The following P4HA3 variants were observed in gnomAD, a reference collection of about 807,000 sequenced individuals.
P4HA3 encodes the protein prolyl 4-hydroxylase subunit alpha 3.
A neutral mutation model predicts 66.7 loss-of-function variants in P4HA3; 60 were observed. The ratio of observed to expected loss-of-function variants is 0.90; its 90% CI spans 0.73 to 1.12. P4HA3 has a LOEUF of 1.12. Among genes scored for constraint, P4HA3 ranks in the 50% most tolerant of loss-of-function variants. P4HA3 has a pLI of 0.00. For synonymous variants in P4HA3, 263 were observed against 274.6 expected, an observed-to-expected ratio of 0.96 and a Z score of 0.42; for missense variants, 683 against 685.8, an observed-to-expected ratio of 1.00 and a Z score of 0.05.
chr11:74,282,140 AAAC>A (rs1268091338), intron 7 of P4HA3, among the ~76,000 whole-genome samples: 1 of 149,664 alleles, frequency 6.7e-6, no homozygotes, highest in Non-Finnish European at 1.5e-5. Flanking sequence ...TAAAAAAAAA[AAAC>A]AAAAAAAAAC....
downstream of P4HA3, among the ~76,000 whole-genome samples, chr11:74,263,261 G>A (rs569380713): frequency 5.3e-5 from 8 of 152,350 alleles, no homozygotes; most frequent in Non-Finnish European, 5.9e-5. Flanking sequence ...AGTGTTCACC[G>A]TTCATTTGTG....
chr11:74,302,022 G>C (rs1160623167), intron 3 of P4HA3, among the ~76,000 whole-genome samples: 1 of 152,080 alleles, frequency 6.6e-6, no homozygotes, highest in Non-Finnish European at 1.5e-5. Flanking sequence ...GGTGAACAAA[G>C]GACCATTTTT....
chr11:74,284,740 T>C (rs1301243013), intron 7 of P4HA3, among the ~76,000 whole-genome samples: 1 of 152,096 alleles, frequency 6.6e-6, no homozygotes, highest in Admixed American at 6.5e-5. Flanking sequence ...TGCTGATGCC[T>C]GTCTGGTTTG....
At chr11:74,301,130 G>GT (rs1018580621) in intron 3 of P4HA3, among the ~76,000 whole-genome samples, 4 of 150,708 alleles carry the variant, frequency 2.7e-5, no homozygotes, top group Admixed American at 2.0e-4. Context: ...TATGTAACAT[G>GT]TTTTTTTTTC....
At chr11:74,311,379 C>A in intron 1 of P4HA3, 33 bp downstream of exon 1, 1 of 1,467,224 alleles carries the variant, frequency 6.8e-7, no homozygotes, top group South Asian at 1.4e-5. Flanking sequence ...CCCACTGAGG[C>A]CCCTCGGTCG....
chr11:74,256,120 GCAGA>G (rs1859825134), intron 15 of P4HA3, among the ~76,000 whole-genome samples: 1 of 152,296 alleles, frequency 6.6e-6, no homozygotes, highest in Non-Finnish European at 1.5e-5. Context: ...TTACAGGTAG[GCAGA>G]CAGGTCCAAA....
chr11:74,290,716 G>T (rs756487928), intron 4 of P4HA3, among the ~76,000 whole-genome samples: 1 of 152,146 alleles, frequency 6.6e-6, no homozygotes, highest in Non-Finnish European at 1.5e-5. Flanking sequence ...TTTCCCCATT[G>T]CTTGTTTTAG....
chr11:74,292,281 C>T (rs537179267), intron 4 of P4HA3, among the ~76,000 whole-genome samples: 19 of 152,158 alleles, frequency 1.2e-4, no homozygotes, highest in African/African-American at 3.4e-4. Flanking sequence ...TCTGTGGGAT[C>T]GGTGGTGATA....
At chr11:74,250,466 T>G (rs1411967939) in intron 15 of P4HA3, 1 of 154,768 alleles carries the variant, frequency 6.5e-6, no homozygotes, top group Non-Finnish European at 1.4e-5. Context: ...TGCTTACCTC[T>G]CCAGCCTTAT....
intron 4 of P4HA3, among the ~76,000 whole-genome samples, chr11:74,297,025 G>C (rs1309631771): frequency 6.7e-6 from 1 of 148,732 alleles, no homozygotes. Flanking sequence ...TCCACCTCTC[G>C]GGCTCAAGCG....
At chr11:74,273,117 C>A (rs1591093379) in intron 10 of P4HA3, among the ~76,000 whole-genome samples, 1 of 152,296 alleles carries the variant, frequency 6.6e-6, no homozygotes, top group East Asian at 1.9e-4. Flanking sequence ...TCTTGTAAAT[C>A]TGCTGCCTCA....
At chr11:74,301,391 T>C (rs1861402364) in intron 3 of P4HA3, among the ~76,000 whole-genome samples, 2 of 152,164 alleles carry the variant, frequency 1.3e-5, no homozygotes, top group South Asian at 2.1e-4. Context: ...TACCATACAT[T>C]AAACTACTTT....
rs201869435 is a variant in P4HA3, at chr11:74,289,204, T to A, written c.718-74A>T. On this transcript the variant is annotated intron_variant, in intron 4 of 12. Coordinates refer to ENST00000331597, the MANE Select transcript of P4HA3 (RefSeq NM_182904.5). ...ATCTCTTCTGAACAAACCATTAAAT[T>A]AAAAAAAAAAAAAGATAAAATATTC... 56 of 875,998 alleles carry A rather than the reference T, an allele frequency of 6.4e-5. No individual in the cohort carries two copies. The highest frequency in any genetic ancestry group is 3.9e-4 in the Middle Eastern group (1 of 2,576). 54.3% of individuals were successfully genotyped at this position (875,998 alleles called of 1,614,324 possible).
chr11:74,286,511 ATAACTC>A, intron 5 of P4HA3, 120 bp from the exon 6 acceptor site: 2 of 864,906 alleles, frequency 2.3e-6, no homozygotes, highest in Non-Finnish European at 3.3e-6. Flanking sequence ...GATCTCCTGA[ATAACTC>A]CTCATGTCAA....
intron 4 of P4HA3, among the ~76,000 whole-genome samples, chr11:74,297,909 T>C (rs900564135): frequency 1.3e-5 from 2 of 152,174 alleles, no homozygotes; most frequent in African/African-American, 4.8e-5. Context: ...CTGCTACAGG[T>C]GACAAACTGC....
In P4HA3 at chr11:74,269,568, C is replaced by T. The variant is rs533472587; in HGVS notation, c.1467+84G>A. ...TTTTGGCCCTCCTCCCAGGAATGGG[C>T]TTGCAAGCACAGACAGCGTGAAGGT... On this transcript the variant is annotated intron_variant, in intron 11 of 12. Transcript: ENST00000331597. 66 of 1,403,822 alleles carry T rather than the reference C, an allele frequency of 4.7e-5. No homozygotes were observed. In the South Asian group the frequency reaches 9.2e-4, roughly 19 times the overall value. 87.0% of individuals were successfully genotyped at this position (1,403,822 alleles called of 1,614,324 possible). A position where few individuals can be genotyped will look rare whatever the true frequency, so the allele number is the denominator to read the frequency against.
intron 15 of P4HA3, chr11:74,254,267 C>T (rs927116399): frequency 6.5e-6 from 1 of 152,992 alleles, no homozygotes; most frequent in Admixed American, 6.5e-5. Flanking sequence ...AGCCCATGCA[C>T]AAAGCCACAG....
chr11:74,289,052 C>A (rs181982925), intron 5 of P4HA3, 27 bp downstream of exon 5: 21 of 1,491,242 alleles, frequency 1.4e-5, no homozygotes, highest in Non-Finnish European at 1.9e-5. Flanking sequence ...AGACCTGTGG[C>A]TGGCTTATCT....
At chr11:74,264,146 T>A (rs866460867), downstream of P4HA3, among the ~76,000 whole-genome samples, 3 of 152,156 alleles carry the variant, frequency 2.0e-5, no homozygotes, top group South Asian at 2.1e-4. Context: ...AGGAGTGATG[T>A]GGCTTTGAAA....
Sources: allele counts gnomAD v4.1 joint callset (sites outside exome capture counted in the v4.1 genomes callset), GRCh38; gene constraint gnomAD v4.1.1; transcripts MANE v1.5; gene names NCBI Gene and HGNC (gene_info 2026-07-23, HGNC 2026-07-21).